The following CPED1 variants were observed in gnomAD, a reference collection of about 807,000 sequenced individuals.
The protein encoded by CPED1 is cadherin like and PC-esterase domain containing 1.
A neutral mutation model predicts 128.2 loss-of-function variants in CPED1; 114 were observed. The ratio of observed to expected loss-of-function variants is 0.89; its 90% confidence interval spans 0.76 to 1.04. The LOEUF is 1.04. Ranked by LOEUF, CPED1 falls within the 50% of genes least tolerant of loss-of-function variation. CPED1 has a pLI of 0.00. For missense variants in CPED1, 1,211 were observed against 1,207.1 expected, an observed-to-expected ratio of 1.00 and a Z score of -0.05; for synonymous variants, 462 against 426.7, an observed-to-expected ratio of 1.08 and a Z score of -1.02.
At chr7:121,068,658 A>T (rs1426687018) in intron 5 of CPED1, among the ~76,000 whole-genome samples, 1 of 149,738 alleles carries the variant, frequency 6.7e-6, no homozygotes. Flanking sequence ...GAAGAAAGTC[A>T]TTGGTAGCTT....
At chr7:121,014,874 A>G (rs903225821) in intron 2 of CPED1, among the ~76,000 whole-genome samples, 2 of 152,032 alleles carry the variant, frequency 1.3e-5, no homozygotes, top group African/African-American at 4.8e-5. Flanking sequence ...AATCATCTGT[A>G]CTTTACTGAG....
At chr7:121,041,453 T>G (rs1394374098) in intron 3 of CPED1, among the ~76,000 whole-genome samples, 1 of 152,134 alleles carries the variant, frequency 6.6e-6, no homozygotes, top group Non-Finnish European at 1.5e-5. Flanking sequence ...GGAAGAGACT[T>G]AATATTCTTA....
intron 7 of CPED1, among the ~76,000 whole-genome samples, chr7:121,114,961 C>T (rs1396504550): frequency 1.3e-5 from 2 of 152,182 alleles, no homozygotes; most frequent in African/African-American, 2.4e-5. Context: ...AATGAATTAA[C>T]ACCTTATGGT....
At chr7:121,149,627 C>T (rs557117454) in intron 16 of CPED1, 1 of 152,350 alleles carries the variant, frequency 6.6e-6, no homozygotes, top group Non-Finnish European at 1.5e-5. Context: ...CTTCTGACAG[C>T]ATCCAGAGAA....
intron 5 of CPED1, among the ~76,000 whole-genome samples, chr7:121,073,648 C>A (rs546458810): frequency 6.6e-6 from 1 of 152,246 alleles, no homozygotes. Flanking sequence ...GGCACTGCTT[C>A]TTCTTCATCT....
chr7:121,131,110 C>T (rs1795654456), intron 12 of CPED1, among the ~76,000 whole-genome samples: 1 of 152,100 alleles, frequency 6.6e-6, no homozygotes, highest in Non-Finnish European at 1.5e-5. Flanking sequence ...TTTGCAGTCA[C>T]CCTAGGCCAT....
Position 121,296,519 on chromosome 7 carries a change from T to TAA in CPED1, c.*869_*870dup. On this transcript the variant is annotated 3_prime_UTR_variant, in exon 23 of 23. Transcript: ENST00000310396. The stretch of plus-strand genomic sequence containing the variant: ...CTTAAAATTACAATTATATTTTATG[T>TAA]AAATATTTTGCAAAGGACTATGCAT... 6.6e-6 allele frequency: 1 copy of TAA among 152,278 alleles called. No individual in the cohort carries two copies. The highest frequency in any genetic ancestry group is 3.4e-3 in the Middle Eastern group (1 of 294). 9.4% of individuals were successfully genotyped at this position (152,278 alleles called of 1,614,324 possible).
At chr7:121,200,670 C>G (rs1797375804) in intron 16 of CPED1, among the ~76,000 whole-genome samples, 1 of 151,108 alleles carries the variant, frequency 6.6e-6, no homozygotes, top group Non-Finnish European at 1.5e-5. Flanking sequence ...AAGAAAGAGT[C>G]TTACTTACAT....
At chr7:120,995,969 C>CCTTCTT (rs1167604663) in intron 2 of CPED1, among the ~76,000 whole-genome samples, 2 of 66,540 alleles carry the variant, frequency 3.0e-5, no homozygotes, top group African/African-American at 1.3e-4. Flanking sequence ...TCCTCCTCCT[C>CCTTCTT]CTTCTTCTTC....
At chr7:121,022,555 A>T (rs1792469717) in intron 3 of CPED1, among the ~76,000 whole-genome samples, 1 of 151,748 alleles carries the variant, frequency 6.6e-6, no homozygotes, top group South Asian at 2.1e-4. Flanking sequence ...GTGAATTTTC[A>T]TAGGGATGTA....
At chr7:120,995,855 T>C (rs1247489577) in intron 2 of CPED1, among the ~76,000 whole-genome samples, 1 of 152,108 alleles carries the variant, frequency 6.6e-6, no homozygotes, top group African/African-American at 2.4e-5. Context: ...ATTCTTCAGT[T>C]TTTTTTATTC....
intron 3 of CPED1, among the ~76,000 whole-genome samples, chr7:121,016,541 C>T (rs1370104210): frequency 6.6e-6 from 1 of 152,164 alleles, no homozygotes; most frequent in Non-Finnish European, 1.5e-5. Context: ...AATTCCAACC[C>T]CTAACCCAGA....
intron 16 of CPED1, among the ~76,000 whole-genome samples, chr7:121,173,517 G>A (rs998974121): frequency 6.6e-6 from 1 of 151,852 alleles, no homozygotes; most frequent in African/African-American, 2.4e-5. Flanking sequence ...TTGGTTTTTT[G>A]TTCCTGCATT....
At chr7:121,063,967 T>C (rs958053796) in intron 4 of CPED1, among the ~76,000 whole-genome samples, 2 of 152,172 alleles carry the variant, frequency 1.3e-5, no homozygotes, top group Non-Finnish European at 2.9e-5. Context: ...ATTTAGCAAA[T>C]ATCATGGCTT....
chr7:121,254,055 T>A (rs773004811), intron 18 of CPED1, among the ~76,000 whole-genome samples: 28 of 151,984 alleles, frequency 1.8e-4, no homozygotes, highest in African/African-American at 6.3e-4. Context: ...ACTTGACCAA[T>A]TGGACCTAAT....
Position 121,159,222 on chromosome 7 carries a change from TA to T in CPED1, c.2055+17089del, listed in dbSNP as rs149546097. 6.1e-3 allele frequency among the ~76,000 whole-genome samples: 921 copies of T among 152,040 alleles called. 4 individuals are homozygous for T. The highest frequency in any genetic ancestry group is 0.011 in the Non-Finnish European group (737 of 67,946). ...AAGATTTCACTTTTTATTGGGTATG[TA>T]AAAAAAATGGTATAAATTTTAGATT... On this transcript the variant is annotated intron_variant, in intron 16 of 22. Transcript: ENST00000310396.
intron 7 of CPED1, among the ~76,000 whole-genome samples, chr7:121,109,322 C>T (rs1014026932): frequency 3.9e-5 from 6 of 152,156 alleles, no homozygotes; most frequent in African/African-American, 1.4e-4. Context: ...GCGTCACTGG[C>T]TGACACAGAG....
intron 5 of CPED1, among the ~76,000 whole-genome samples, chr7:121,068,306 G>C (rs1261667047): frequency 6.6e-6 from 1 of 152,124 alleles, no homozygotes; most frequent in Non-Finnish European, 1.5e-5. Flanking sequence ...GTATAAGGAA[G>C]GGATCCAGTT....
chr7:121,124,564 C>A, intron 8 of CPED1, 91 bp downstream of exon 8: 1 of 1,031,858 alleles, frequency 9.7e-7, no homozygotes, highest in Non-Finnish European at 1.3e-6. Context: ...TCTTAATTAT[C>A]ATAAGTAGGT....
Sources: allele counts gnomAD v4.1 joint callset (sites outside exome capture counted in the v4.1 genomes callset), GRCh38; gene constraint gnomAD v4.1.1; transcripts MANE v1.5; gene names NCBI Gene and HGNC (gene_info 2026-07-23, HGNC 2026-07-21).